The following CA10 variants were observed in gnomAD, a reference collection of about 807,000 sequenced individuals.
The protein encoded by CA10 is carbonic anhydrase-related protein 10.
CA10 carries 14 observed loss-of-function variants against 44.2 expected under a neutral mutation model. The ratio of observed to expected loss-of-function variants is 0.32; its 90% CI spans 0.21 to 0.50. The LOEUF (loss-of-function observed/expected upper bound fraction) is 0.50, where lower values mean the gene tolerates loss of function less well. CA10 is among the 20% of genes least tolerant of loss of function. The probability of loss-of-function intolerance (pLI) is 0.99; values close to 1 mark genes in which losing one functional copy is unlikely to be tolerated. For missense variants in CA10, 350 were observed against 409.7 expected (o/e 0.85, Z 1.26); for synonymous variants, 159 against 141.6 (o/e 1.12, Z -0.87).
intron 4 of CA10, among the ~76,000 whole-genome samples, chr17:51,680,256 A>G (rs1597981689): frequency 6.6e-6 from 1 of 152,248 alleles, no homozygotes; most frequent in South Asian, 2.1e-4. Flanking sequence ...GCCGTTGGGG[A>G]GGAAGGAAAT....
intron 3 of CA10, among the ~76,000 whole-genome samples, chr17:51,767,453 C>G (rs935115085): frequency 3.9e-5 from 6 of 152,186 alleles, no homozygotes; most frequent in African/African-American, 1.2e-4. Context: ...CTAATGTTGA[C>G]ATCTTATGTA....
chr17:51,669,144 G>T (rs1914317663), intron 4 of CA10, among the ~76,000 whole-genome samples: 1 of 152,246 alleles, frequency 6.6e-6, no homozygotes. Context: ...CGCGGGACCA[G>T]ATGGCAGCTC....
At chr17:52,046,169 G>C (rs568201731) in intron 2 of CA10, among the ~76,000 whole-genome samples, 1 of 151,388 alleles carries the variant, frequency 6.6e-6, no homozygotes, top group South Asian at 2.1e-4. Flanking sequence ...ACTAGAAAGA[G>C]CAGAGAAAAC....
In CA10 at chr17:51,633,540, A is replaced by G; in HGVS notation, c.900T>C (p.Asn300=). The G allele has an allele frequency of 6.2e-7, 1 of 1,614,000 alleles. No individual in the cohort carries two copies. The highest frequency in any genetic ancestry group is 8.5e-7 in the Non-Finnish European group (1 of 1,179,940). Residue 300 remains asparagine, a synonymous_variant, in exon 8 of 9, where the codon AAT becomes AAC. Transcript: ENST00000451037. ...QPLNNRCIRT[N]INFSLQGKDC... is the part of the protein sequence containing the mutation. ...CCTTCCCCTGTAAACTGAAGTTGAT[A>G]TTGGTGCGGATGCAGCGGTTGTTGA... is the stretch of plus-strand genomic sequence containing the variant.
At chr17:51,881,482 T>G (rs1295562733) in intron 3 of CA10, among the ~76,000 whole-genome samples, 1 of 151,666 alleles carries the variant, frequency 6.6e-6, no homozygotes, top group Non-Finnish European at 1.5e-5. Flanking sequence ...TATAAACACA[T>G]TCAAAAGACA....
chr17:51,924,789 CTGGGG>C (rs1003826439), intron 3 of CA10, among the ~76,000 whole-genome samples: 4 of 152,144 alleles, frequency 2.6e-5, no homozygotes, highest in African/African-American at 9.6e-5. Context: ...CCTTCCAGAC[CTGGGG>C]TGGTTATAAA....
chr17:51,793,256 C>T (rs1906588681), intron 3 of CA10, among the ~76,000 whole-genome samples: 2 of 152,126 alleles, frequency 1.3e-5, no homozygotes, highest in African/African-American at 4.8e-5. Flanking sequence ...GCCTGAATGT[C>T]CTGACAACTT....
chr17:51,923,482 A>C (rs1238877636), intron 3 of CA10, among the ~76,000 whole-genome samples: 1 of 152,206 alleles, frequency 6.6e-6, no homozygotes. Flanking sequence ...TATCTCAAAT[A>C]GTTATTTAAA....
At chr17:51,810,124 A>G (rs1382944307) in intron 3 of CA10, among the ~76,000 whole-genome samples, 2 of 152,022 alleles carry the variant, frequency 1.3e-5, no homozygotes, top group Non-Finnish European at 2.9e-5. Flanking sequence ...TTTCCCATAG[A>G]CCCCAATCTT....
intron 2 of CA10, among the ~76,000 whole-genome samples, chr17:52,033,958 C>T (rs1039124778): frequency 3.3e-5 from 5 of 152,140 alleles, no homozygotes; most frequent in African/African-American, 1.2e-4. Context: ...TGCGTGATAT[C>T]ACTTATATGT....
intron 4 of CA10, among the ~76,000 whole-genome samples, chr17:51,656,023 T>C (rs1181043197): frequency 6.6e-6 from 1 of 152,144 alleles, no homozygotes; most frequent in East Asian, 1.9e-4. Context: ...TGCCAGGTGG[T>C]GGAAGAACCA....
At chr17:51,744,854 G>A (rs952292817) in intron 4 of CA10, among the ~76,000 whole-genome samples, 10 of 152,084 alleles carry the variant, frequency 6.6e-5, no homozygotes, top group South Asian at 4.1e-4. Context: ...ACTGCTTATC[G>A]CACTACTTTG....
chr17:52,118,224 C>G (rs967813695), intron 1 of CA10, among the ~76,000 whole-genome samples: 1 of 152,084 alleles, frequency 6.6e-6, no homozygotes, highest in Non-Finnish European at 1.5e-5. Flanking sequence ...CTTTCTCTCC[C>G]TTGTACAAGA....
chr17:51,734,612 G>A (rs1028201338), intron 4 of CA10, among the ~76,000 whole-genome samples: 1 of 152,106 alleles, frequency 6.6e-6, no homozygotes, highest in African/African-American at 2.4e-5. Flanking sequence ...TTCTATTTGC[G>A]GGTCTTCTTT....
intron 2 of CA10, among the ~76,000 whole-genome samples, chr17:52,045,054 A>G (rs188463098): frequency 6.6e-6 from 1 of 152,000 alleles, no homozygotes; most frequent in East Asian, 2.0e-4. Context: ...CAAAGAAAAA[A>G]TCTTAGAAGT....
intron 6 of CA10, 118 bp from the exon 7 acceptor site, chr17:51,636,127 GATATAT>G: frequency 2.0e-6 from 1 of 511,730 alleles, no homozygotes; most frequent in South Asian, 6.3e-5. Context: ...TACACACACA[GATATAT>G]ATGTATTTCT....
Position 51,907,484 on chromosome 17 carries a change from A to G in CA10, c.279+23506T>C, listed in dbSNP as rs559744658. 2.0e-5 allele frequency among the ~76,000 whole-genome samples: 3 copies of G among 152,188 alleles called. No homozygotes were observed. The East Asian group carries it at 5.8e-4, about 29-fold the overall frequency. On this transcript the variant is annotated intron_variant, in intron 3 of 8. Coordinates refer to ENST00000451037, the MANE Select transcript of CA10 (RefSeq NM_020178.5). ...CATATATATGTATATATGTGTGTAT[A>G]TATATCTACGTACTTTATTGGTTTA...
At chr17:51,814,321 G>A (rs764651003) in intron 3 of CA10, among the ~76,000 whole-genome samples, 18 of 152,224 alleles carry the variant, frequency 1.2e-4, no homozygotes, top group Middle Eastern at 3.4e-3. Context: ...CTGGAAGGTC[G>A]CTAAGGCAAA....
chr17:51,720,339 T>A (rs1916314160), intron 4 of CA10, among the ~76,000 whole-genome samples: 1 of 152,186 alleles, frequency 6.6e-6, no homozygotes, highest in African/African-American at 2.4e-5. Flanking sequence ...TCTTTTGTTA[T>A]TCATAATGAA....
Sources: allele counts gnomAD v4.1 joint callset (sites outside exome capture counted in the v4.1 genomes callset), GRCh38; gene constraint gnomAD v4.1.1; transcripts MANE v1.5; gene names NCBI Gene and HGNC (gene_info 2026-07-23, HGNC 2026-07-21).